Variants in NOX4 observed in about 807,000 individuals in gnomAD.
NOX4 encodes NADPH oxidase 4, also known as kidney oxidase-1.
A neutral mutation model predicts 87.6 loss-of-function variants in NOX4; 69 were observed. That is an observed-to-expected ratio of 0.79 (90% CI 0.65 to 0.96). The LOEUF is 0.96. Ranked by LOEUF, NOX4 falls within the 40% of genes least tolerant of loss-of-function variation. The pLI is 0.00. For missense variants in NOX4, 680 were observed against 681.5 expected, an observed-to-expected ratio of 1.00 and a Z score of 0.02; for synonymous variants, 275 against 238.2, an observed-to-expected ratio of 1.15 and a Z score of -1.42.
upstream of NOX4, among the ~76,000 whole-genome samples, chr11:89,496,995 G>A (rs983852884): frequency 1.3e-5 from 2 of 152,120 alleles, no homozygotes; most frequent in Admixed American, 1.3e-4. Flanking sequence ...ATTTCCAAGA[G>A]CGAATACACC....
intron 9 of NOX4, among the ~76,000 whole-genome samples, 189 bp from the exon 10 acceptor site, chr11:89,400,568 A>C (rs1439611417): frequency 6.6e-6 from 1 of 152,104 alleles, no homozygotes; most frequent in African/African-American, 2.4e-5. Context: ...GTATAAAATA[A>C]AACAGAAAGT....
intron 2 of NOX4, among the ~76,000 whole-genome samples, chr11:89,481,380 T>TGCTGAATG (rs111802223): frequency 0.22 from 33,105 of 151,710 alleles, 4,977 homozygotes; most frequent in African/African-American, 0.43. Context: ...GTTATCAATT[T>TGCTGAATG]GCTGAATGCC....
At chr11:89,474,070 G>T (rs1381974572) in intron 2 of NOX4, among the ~76,000 whole-genome samples, 4 of 152,126 alleles carry the variant, frequency 2.6e-5, no homozygotes, top group Non-Finnish European at 2.9e-5. Context: ...TAGTGCAGTT[G>T]TTGGGAAAAT....
chr11:89,432,614 A>T (rs1419755727), intron 7 of NOX4, among the ~76,000 whole-genome samples, 170 bp downstream of exon 7: 2 of 152,154 alleles, frequency 1.3e-5, no homozygotes, highest in African/African-American at 4.8e-5. Context: ...CTAATACAAG[A>T]GAACTTTCAG....
chr11:89,487,206 G>A (rs550421451), intron 2 of NOX4, among the ~76,000 whole-genome samples: 36 of 152,222 alleles, frequency 2.4e-4, no homozygotes, highest in African/African-American at 7.2e-4. Context: ...GTATTTCAGC[G>A]AGTCATACAG....
the NOX4 span, among the ~76,000 whole-genome samples, chr11:89,537,622 G>A: frequency 4.6e-5 from 7 of 151,912 alleles, no homozygotes; most frequent in Admixed American, 2.0e-4. Flanking sequence ...GGGCCCCCCC[G>A]AGGCTAAACT....
chr11:89,329,596 C>A (rs1945385129), intron 17 of NOX4, among the ~76,000 whole-genome samples: 1 of 151,322 alleles, frequency 6.6e-6, no homozygotes, highest in Admixed American at 6.6e-5. Context: ...AAACATAAAA[C>A]CAAACAGACT....
In NOX4 at chr11:89,404,034, C is replaced by T. The variant is rs188657734; in HGVS notation, c.630-1492G>A. Among the ~76,000 whole-genome samples the T allele has an allele frequency of 2.3e-4, 35 of 150,868 alleles. 1 individual carries two copies. The East Asian group carries it at 6.5e-3, about 28-fold the overall frequency. On this transcript the variant is annotated intron_variant, in intron 8 of 17. Transcript: ENST00000263317. ...TGCATTACATGACATCATAGTAGAC[C>T]ACACACAAACATACATTTTTTTTAA...
intron 11 of NOX4, among the ~76,000 whole-genome samples, chr11:89,388,779 C>A (rs950156880): frequency 6.6e-6 from 1 of 152,182 alleles, no homozygotes; most frequent in East Asian, 1.9e-4. Context: ...TACTGAAGAA[C>A]GAGGCAAAAA....
intron 8 of NOX4, among the ~76,000 whole-genome samples, chr11:89,415,602 A>G (rs1942723723): frequency 2.0e-5 from 3 of 152,142 alleles, no homozygotes; most frequent in Admixed American, 2.0e-4. Flanking sequence ...CTTATACATA[A>G]ATATGCAGAT....
chr11:89,460,488 G>A (rs1218619640), intron 2 of NOX4, among the ~76,000 whole-genome samples: 1 of 152,154 alleles, frequency 6.6e-6, no homozygotes, highest in Non-Finnish European at 1.5e-5. Flanking sequence ...CCATCAAAAA[G>A]TGGGCGAAGG....
At chr11:89,432,726 A>G (rs2065042096) in intron 7 of NOX4, 58 bp downstream of exon 7, 1 of 1,264,320 alleles carries the variant, frequency 7.9e-7, no homozygotes, top group Admixed American at 1.7e-5. Flanking sequence ...TGATTACTCA[A>G]GACTTTTTCT....
chr11:89,508,004 G>A, the NOX4 span, among the ~76,000 whole-genome samples: 1 of 151,974 alleles, frequency 6.6e-6, no homozygotes, highest in East Asian at 1.9e-4. Context: ...TATAGAAGGA[G>A]ATTTATTTTT....
chr11:89,443,856 A>G, intron 5 of NOX4: 1 of 315,592 alleles, frequency 3.2e-6, no homozygotes. Flanking sequence ...GAATTAGACA[A>G]AAGCTGCTGG....
intron 11 of NOX4, among the ~76,000 whole-genome samples, chr11:89,394,184 G>C (rs1941317043): frequency 6.6e-6 from 1 of 152,138 alleles, no homozygotes. Context: ...CCTCTCTTCA[G>C]TGTGAACATA....
Position 89,350,013 on chromosome 11 carries a change from T to C in NOX4, c.1217+4949A>G, listed in dbSNP as rs184938693. Among the ~76,000 whole-genome samples the C allele has an allele frequency of 2.0e-5, 3 of 152,328 alleles. No individual in the cohort carries two copies. The East Asian group carries it at 5.8e-4, about 29-fold the overall frequency. The stretch of plus-strand genomic sequence containing the variant: ...CCATTTGTTTCCTCCAACCTATAAA[T>C]CAACAATATGCATTTTGTATTAGAT... On this transcript the variant is annotated intron_variant, in intron 13 of 17. Transcript: ENST00000263317.
chr11:89,467,505 G>T (rs527707905), intron 2 of NOX4, among the ~76,000 whole-genome samples: 1 of 151,948 alleles, frequency 6.6e-6, no homozygotes, highest in Admixed American at 6.5e-5. Flanking sequence ...TCTCCATTCC[G>T]GAGTCTACAA....
intron 2 of NOX4, among the ~76,000 whole-genome samples, chr11:89,460,582 G>A (rs1424140789): frequency 6.6e-6 from 1 of 152,192 alleles, no homozygotes. Flanking sequence ...GGCCATCAGA[G>A]AAATGCAAAT....
At chr11:89,400,911 G>A (rs1188615327) in intron 9 of NOX4, among the ~76,000 whole-genome samples, 1 of 151,444 alleles carries the variant, frequency 6.6e-6, no homozygotes, top group Non-Finnish European at 1.5e-5. Context: ...TGCTAGGCAT[G>A]TTGTTTACCA....
Sources: allele counts gnomAD v4.1 joint callset (sites outside exome capture counted in the v4.1 genomes callset), GRCh38; gene constraint gnomAD v4.1.1; transcripts MANE v1.5; gene names NCBI Gene and HGNC (gene_info 2026-07-23, HGNC 2026-07-21).